The following EPHA5 variants were observed in gnomAD, a reference collection of about 807,000 sequenced individuals.
EPHA5 encodes EPH receptor A5.
A neutral mutation model predicts 105.0 loss-of-function variants in EPHA5; 60 were observed. The ratio of observed to expected loss-of-function variants is 0.57; its 90% confidence interval spans 0.46 to 0.71. The LOEUF is 0.71. Among genes scored for constraint, EPHA5 ranks in the 30% least tolerant of loss-of-function variants. EPHA5 has a pLI of 0.00. For synonymous variants in EPHA5, 513 were observed against 449.1 expected, an observed-to-expected ratio of 1.14 and a Z score of -1.80; for missense variants, 1,218 against 1,274.7, an observed-to-expected ratio of 0.96 and a Z score of 0.68.
At chr4:65,482,480 T>C (rs1048140646) in intron 5 of EPHA5, among the ~76,000 whole-genome samples, 6 of 152,142 alleles carry the variant, frequency 3.9e-5, no homozygotes, top group Non-Finnish European at 7.3e-5. Context: ...TCAAGTGATT[T>C]CATTTCTTTA....
intron 2 of EPHA5, among the ~76,000 whole-genome samples, chr4:65,635,263 G>C (rs1042657945): frequency 6.6e-6 from 1 of 152,044 alleles, no homozygotes; most frequent in Non-Finnish European, 1.5e-5. Context: ...TCCAGGCACA[G>C]AGCAACTTAC....
chr4:65,415,164 C>A (rs904212394), intron 6 of EPHA5, among the ~76,000 whole-genome samples: 1 of 152,182 alleles, frequency 6.6e-6, no homozygotes, highest in African/African-American at 2.4e-5. Flanking sequence ...GACTAACCAT[C>A]CATAGCTCCT....
At chr4:65,641,566 C>T (rs1292830577) in intron 2 of EPHA5, among the ~76,000 whole-genome samples, 1 of 152,176 alleles carries the variant, frequency 6.6e-6, no homozygotes, top group East Asian at 1.9e-4. Flanking sequence ...ATTGTATATA[C>T]CTTGAACATT....
intron 5 of EPHA5, among the ~76,000 whole-genome samples, chr4:65,429,483 A>G (rs1724773889): frequency 6.6e-6 from 1 of 152,054 alleles, no homozygotes; most frequent in South Asian, 2.1e-4. Context: ...ACAAGGCCAT[A>G]AAGTGCAAAC....
At chr4:65,412,163 G>C (rs902241671) in intron 7 of EPHA5, among the ~76,000 whole-genome samples, 1 of 152,188 alleles carries the variant, frequency 6.6e-6, no homozygotes, top group African/African-American at 2.4e-5. Flanking sequence ...AGGAGGTGGA[G>C]GTTGTGGTGA....
chr4:65,567,734 T>G (rs1304917233), intron 3 of EPHA5, among the ~76,000 whole-genome samples: 1 of 151,602 alleles, frequency 6.6e-6, no homozygotes, highest in Non-Finnish European at 1.5e-5. Flanking sequence ...TTGAGTAGTA[T>G]GTTCGACTCA....
intron 3 of EPHA5, among the ~76,000 whole-genome samples, chr4:65,545,607 A>G (rs28730380): frequency 0.51 from 76,833 of 151,712 alleles, 19,758 homozygotes; most frequent in Non-Finnish European, 0.53. Context: ...TAGAAAACAT[A>G]AAACAAAGAA....
At chr4:65,620,072 C>A (rs1430212414) in intron 2 of EPHA5, among the ~76,000 whole-genome samples, 1 of 146,068 alleles carries the variant, frequency 6.8e-6, no homozygotes, top group Admixed American at 6.9e-5. Context: ...GAATCTACAC[C>A]AAACTACACC....
In EPHA5 at chr4:65,669,554, C is replaced by A; in HGVS notation, c.181+8G>T. 1 of 1,384,860 alleles carries A rather than the reference C, an allele frequency of 7.2e-7. No individual in the cohort carries two copies. Among genetic ancestry groups the A allele is most frequent in the Non-Finnish European group, 9.4e-7 (1 of 1,063,282 alleles). 85.8% of individuals were successfully genotyped at this position (1,384,860 alleles called of 1,614,324 possible). ...AGGTCGCCACGGTCCCCACCCCCAT[C>A]TCCCTACCTTCGTTGCTGGGGCTGG... On this transcript the variant is annotated splice_region_variant and intron_variant, in intron 1 of 16. Transcript: ENST00000613740.
At chr4:65,578,603 C>T (rs1016369475) in intron 3 of EPHA5, among the ~76,000 whole-genome samples, 9 of 152,126 alleles carry the variant, frequency 5.9e-5, no homozygotes, top group African/African-American at 2.2e-4. Context: ...AAGAATGTAT[C>T]TAAATTAAAG....
chr4:65,582,770 A>C (rs904979373), intron 3 of EPHA5, among the ~76,000 whole-genome samples: 1 of 151,680 alleles, frequency 6.6e-6, no homozygotes, highest in Non-Finnish European at 1.5e-5. Flanking sequence ...AAAATTGCCA[A>C]TTTACATATA....
At chr4:65,365,780 G>T in intron 10 of EPHA5, 152 bp downstream of exon 10, 2 of 655,230 alleles carry the variant, frequency 3.1e-6, no homozygotes, top group Non-Finnish European at 2.3e-6. Context: ...TTACACTGAA[G>T]GTTGTATTAA....
At chr4:65,468,580 G>A (rs1578185744) in intron 5 of EPHA5, among the ~76,000 whole-genome samples, 1 of 74,092 alleles carries the variant, frequency 1.3e-5, no homozygotes, top group South Asian at 4.6e-4. Context: ...ATATATATAT[G>A]TAAAATATAT....
At chr4:65,344,122 C>T (rs983506315) in intron 14 of EPHA5, among the ~76,000 whole-genome samples, 1 of 152,078 alleles carries the variant, frequency 6.6e-6, no homozygotes, top group African/African-American at 2.4e-5. Flanking sequence ...TTGTAGTGCC[C>T]ATCCACAAAG....
intron 1 of EPHA5, among the ~76,000 whole-genome samples, chr4:65,659,494 T>C (rs1384124298): frequency 6.6e-6 from 1 of 152,000 alleles, no homozygotes; most frequent in African/African-American, 2.4e-5. Context: ...TGTAAGAGTA[T>C]GATGACCAGC....
chr4:65,468,554 A>AT (rs1469250805), intron 5 of EPHA5, among the ~76,000 whole-genome samples: 24 of 61,184 alleles, frequency 3.9e-4, no homozygotes, highest in Middle Eastern at 0.014. Context: ...TATATAATAT[A>AT]TATATTATAT....
At chr4:65,616,283 A>T (rs1745230137) in intron 2 of EPHA5, among the ~76,000 whole-genome samples, 1 of 151,960 alleles carries the variant, frequency 6.6e-6, no homozygotes, top group South Asian at 2.1e-4. Context: ...AGATCTGCGG[A>T]TGAGGGAAGA....
At chr4:65,589,069 G>A (rs1409904895) in intron 3 of EPHA5, among the ~76,000 whole-genome samples, 1 of 152,024 alleles carries the variant, frequency 6.6e-6, no homozygotes, top group African/African-American at 2.4e-5. Flanking sequence ...TCCAAGTTTT[G>A]AAATCATAAT....
chr4:65,424,611 T>C (rs1724247937), intron 5 of EPHA5, among the ~76,000 whole-genome samples: 1 of 152,042 alleles, frequency 6.6e-6, no homozygotes. Flanking sequence ...TGATGAATTT[T>C]CCACAATTCT....
Sources: gnomAD v4.1 joint callset for allele counts (sites outside exome capture counted in the v4.1 genomes callset) on GRCh38, gnomAD v4.1.1 for gene constraint, MANE v1.5 for transcripts, NCBI Gene and HGNC (gene_info 2026-07-23, HGNC 2026-07-21) for gene names.